The following MYO3B variants were observed in gnomAD, a reference collection of about 807,000 sequenced individuals.
The protein encoded by MYO3B is myosin IIIB.
A neutral mutation model predicts 174.6 loss-of-function variants in MYO3B; 156 were observed. That is an observed-to-expected ratio of 0.89 (90% CI 0.78 to 1.02). The LOEUF is 1.02. Among genes scored for constraint, MYO3B ranks in the 50% least tolerant of loss-of-function variants. MYO3B has a pLI of 0.00. For synonymous variants in MYO3B, 563 were observed against 569.1 expected (o/e 0.99, Z 0.15); for missense variants, 1,632 against 1,639.4 (o/e 1.00, Z 0.08).
At position 170,509,312 on chromosome 2, in the gene MYO3B, G is replaced by A. The variant is rs370411723; in HGVS notation, c.3371-5609G>A. ...GCATAGGTTGCAGTGAGCCAAGATC[G>A]CACCACTGCACTCCAATCTGGGTGA... On this transcript the variant is annotated intron_variant, in intron 28 of 34. Transcript: ENST00000408978. 6.6e-5 allele frequency among the ~76,000 whole-genome samples: 10 copies of A among 152,218 alleles called. No homozygotes were observed. The South Asian group carries it at 1.9e-3, about 28-fold the overall frequency.
chr2:170,553,103 A>G (rs34209018), intron 32 of MYO3B, among the ~76,000 whole-genome samples: 117,184 of 152,042 alleles, frequency 0.77, 45,680 homozygotes, highest in African/African-American at 0.87. Context: ...GCAGAGCCTC[A>G]TGGAGAACCT....
At chr2:170,335,278 A>G in intron 7 of MYO3B, 107 bp from the exon 8 acceptor site, 1 of 856,664 alleles carries the variant, frequency 1.2e-6, no homozygotes, top group Non-Finnish European at 1.8e-6. Context: ...ATGAGAACAA[A>G]CAGATTTTAT....
chr2:170,297,456 G>A (rs1345024795), intron 7 of MYO3B, among the ~76,000 whole-genome samples: 1 of 152,100 alleles, frequency 6.6e-6, no homozygotes, highest in Non-Finnish European at 1.5e-5. Flanking sequence ...GATTGCCATA[G>A]TAACTCTGCT....
intron 24 of MYO3B, among the ~76,000 whole-genome samples, chr2:170,464,536 G>A (rs941092290): frequency 6.6e-6 from 1 of 152,038 alleles, no homozygotes; most frequent in African/African-American, 2.4e-5. Flanking sequence ...TGGATAGAAG[G>A]CTCCATGGAA....
intron 6 of MYO3B, among the ~76,000 whole-genome samples, chr2:170,223,423 A>G (rs1280699460): frequency 6.6e-6 from 1 of 152,202 alleles, no homozygotes; most frequent in Non-Finnish European, 1.5e-5. Context: ...ACTGTCATCT[A>G]CCTGTGAGAG....
At chr2:170,306,153 G>A (rs1448608146) in intron 7 of MYO3B, among the ~76,000 whole-genome samples, 3 of 152,160 alleles carry the variant, frequency 2.0e-5, no homozygotes, top group Admixed American at 6.5e-5. Flanking sequence ...TCTCTTCAGC[G>A]GGATAGTTGG....
At chr2:170,502,799 A>C (rs1040566185) in intron 28 of MYO3B, among the ~76,000 whole-genome samples, 1 of 152,172 alleles carries the variant, frequency 6.6e-6, no homozygotes, top group African/African-American at 2.4e-5. Context: ...GGAAACTCTT[A>C]AATAAAACAG....
At chr2:170,307,198 A>G (rs561305682) in intron 7 of MYO3B, among the ~76,000 whole-genome samples, 4 of 136,538 alleles carry the variant, frequency 2.9e-5, no homozygotes, top group East Asian at 2.3e-4. Flanking sequence ...AACTATGATC[A>G]TGTCACTGTA....
chr2:170,442,682 G>C (rs144461791), intron 22 of MYO3B, among the ~76,000 whole-genome samples: 141 of 152,142 alleles, frequency 9.3e-4, no homozygotes, highest in Non-Finnish European at 1.7e-3. Flanking sequence ...GTCCTGGTGT[G>C]TGATGTTCCC....
intron 7 of MYO3B, among the ~76,000 whole-genome samples, chr2:170,240,277 G>A (rs1038027295): frequency 1.3e-4 from 20 of 152,030 alleles, no homozygotes; most frequent in South Asian, 4.2e-4. Context: ...ACTAATTTGC[G>A]GGCAAGATAC....
chr2:170,276,586 A>G (rs1037860439), intron 7 of MYO3B, among the ~76,000 whole-genome samples: 1 of 152,220 alleles, frequency 6.6e-6, no homozygotes. Flanking sequence ...GCCAATTATT[A>G]GAAACACAAA....
At chr2:170,390,840 A>G (rs973420932) in intron 14 of MYO3B, among the ~76,000 whole-genome samples, 3 of 152,162 alleles carry the variant, frequency 2.0e-5, no homozygotes, top group African/African-American at 4.8e-5. Flanking sequence ...CAGAAAAATT[A>G]TCATGCTCTT....
At position 170,572,713 on chromosome 2, in the gene MYO3B, A is replaced by AC. The variant is rs542499868; in HGVS notation, c.3733+28726dup. On this transcript the variant is annotated intron_variant, in intron 32 of 34. Coordinates refer to ENST00000408978, the MANE Select transcript of MYO3B (RefSeq NM_138995.5). ...CCTTTTGATGTGATGCACCCCTTGT[A>AC]CAACATGGCAGATATTCCACTGGAT... Among the ~76,000 whole-genome samples, 1,365 of 152,178 alleles carry AC rather than the reference A, an allele frequency of 9.0e-3. 6 individuals are homozygous for AC. Among genetic ancestry groups the AC allele is most frequent in the Non-Finnish European group, 0.014 (956 of 67,996 alleles).
chr2:170,417,663 A>G (rs769173428), intron 22 of MYO3B, among the ~76,000 whole-genome samples: 32 of 152,100 alleles, frequency 2.1e-4, no homozygotes, highest in Non-Finnish European at 4.1e-4. Context: ...TTTTCTGGCA[A>G]TCGTTGGTGT....
intron 6 of MYO3B, among the ~76,000 whole-genome samples, chr2:170,234,672 C>T (rs1372670899): frequency 6.6e-6 from 1 of 152,134 alleles, no homozygotes; most frequent in African/African-American, 2.4e-5. Flanking sequence ...AAATGGAGGT[C>T]CACTCTTCAC....
chr2:170,537,981 C>A (rs965865241), intron 30 of MYO3B, among the ~76,000 whole-genome samples: 4 of 152,132 alleles, frequency 2.6e-5, no homozygotes, highest in Non-Finnish European at 4.4e-5. Flanking sequence ...CAGTTTCTCT[C>A]CAAGCCATTC....
chr2:170,401,952 G>A (rs1489109441), intron 18 of MYO3B, among the ~76,000 whole-genome samples: 3 of 152,210 alleles, frequency 2.0e-5, no homozygotes, highest in African/African-American at 7.2e-5. Context: ...ACAGGCGCGT[G>A]CCACCACGCC....
At chr2:170,357,865 A>G (rs370942292) in intron 8 of MYO3B, among the ~76,000 whole-genome samples, 2 of 152,264 alleles carry the variant, frequency 1.3e-5, no homozygotes, top group African/African-American at 4.8e-5. Context: ...AAAAGTAGAA[A>G]CAACCAGCTG....
At chr2:170,375,276 CA>C (rs1375709693) in intron 9 of MYO3B, among the ~76,000 whole-genome samples, 1 of 152,034 alleles carries the variant, frequency 6.6e-6, no homozygotes, top group Non-Finnish European at 1.5e-5. Flanking sequence ...TATCATTTTA[CA>C]AGGGTTATTG....
Sources: gnomAD v4.1 joint callset for allele counts (sites outside exome capture counted in the v4.1 genomes callset) on GRCh38, gnomAD v4.1.1 for gene constraint, MANE v1.5 for transcripts, NCBI Gene and HGNC (gene_info 2026-07-23, HGNC 2026-07-21) for gene names.